The following NDRG1 variants were observed in gnomAD, a reference collection of about 807,000 sequenced individuals.
NDRG1 encodes N-myc downstream regulated 1.
NDRG1 carries 32 observed loss-of-function variants against 56.9 expected under a neutral mutation model. The ratio of observed to expected loss-of-function variants is 0.56; its 90% CI spans 0.42 to 0.76. The LOEUF is 0.76. Ranked by LOEUF, NDRG1 falls within the 30% of genes least tolerant of loss-of-function variation. The probability of loss-of-function intolerance (pLI) is 0.00; values close to 1 mark genes in which losing one functional copy is unlikely to be tolerated. For synonymous variants in NDRG1, 211 were observed against 204.1 expected, an observed-to-expected ratio of 1.03 and a Z score of -0.29; for missense variants, 507 against 545.7, an observed-to-expected ratio of 0.93 and a Z score of 0.71.
intron 15 of NDRG1, 171 bp downstream of exon 15, chr8:133,241,852 C>G (rs1252604810): frequency 2.8e-6 from 2 of 720,492 alleles, no homozygotes; most frequent in African/African-American, 3.5e-5. Flanking sequence ...AAATGAGAGG[C>G]TAGATCCTCC....
rs916338599 is a variant in NDRG1, at chr8:133,254,703, C to G, written c.538-108G>C. ...GCAGGGTGGCATTGCTGGACTCCCC[C>G]CTACATGCAGGCCTCAAGGACATCC... On this transcript the variant is annotated intron_variant, in intron 8 of 15. Coordinates refer to ENST00000323851, the MANE Select transcript of NDRG1 (RefSeq NM_006096.4). The G allele has an allele frequency of 7.7e-5, 84 of 1,097,138 alleles. 1 individual carries two copies. The highest frequency in any genetic ancestry group is 5.9e-4 in the South Asian group (44 of 74,780). 68.0% of individuals were successfully genotyped at this position (1,097,138 alleles called of 1,614,324 possible). A position where few individuals can be genotyped will look rare whatever the true frequency, so the allele number is the denominator to read the frequency against.
At chr8:133,267,557 A>T (rs1487258312) in intron 3 of NDRG1, among the ~76,000 whole-genome samples, 5 of 152,160 alleles carry the variant, frequency 3.3e-5, no homozygotes. Context: ...ATGAGGGAGC[A>T]GTGGCCCAGC....
Position 133,238,860 on chromosome 8 carries a change from G to T in NDRG1, c.*18C>A. ...ACTACAGAGATCAGAGTCCGGGGGC[G>T]GCAGCTGGGCAGGCCGCCTAGCAGG... On this transcript the variant is annotated 3_prime_UTR_variant, in exon 16 of 16. Coordinates refer to ENST00000323851, the MANE Select transcript of NDRG1 (RefSeq NM_006096.4). 6.5e-7 allele frequency: 1 copy of T among 1,547,184 alleles called. No homozygotes were observed. The highest frequency in any genetic ancestry group is 1.2e-5 in the South Asian group (1 of 84,092).
intron 5 of NDRG1, among the ~76,000 whole-genome samples, chr8:133,261,231 G>A (rs374121202): frequency 1.2e-4 from 18 of 152,088 alleles, no homozygotes; most frequent in Admixed American, 2.0e-4. Flanking sequence ...TAAGCCTCCC[G>A]AGTAGCAGGG....
intron 6 of NDRG1, among the ~76,000 whole-genome samples, chr8:133,258,724 T>C (rs1179315649): frequency 4.6e-5 from 7 of 152,216 alleles, no homozygotes; most frequent in African/African-American, 1.2e-4. Flanking sequence ...TTAAGCTTTA[T>C]TTTGGATTCT....
chr8:133,256,728 G>A, intron 8 of NDRG1, 49 bp downstream of exon 8: 1 of 1,567,766 alleles, frequency 6.4e-7, no homozygotes. Flanking sequence ...GTGTGCACCT[G>A]TCCCTCTTCT....
At chr8:133,284,350 A>C (rs534567894) in intron 1 of NDRG1, 21 bp from the exon 2 acceptor site, 4 of 1,612,406 alleles carry the variant, frequency 2.5e-6, no homozygotes, top group East Asian at 4.5e-5. Flanking sequence ...ACAAAGGCCA[A>C]AAGGTCAACA....
chr8:133,248,667 A>G (rs1855833739), intron 11 of NDRG1, 48 bp downstream of exon 11: 1 of 1,608,264 alleles, frequency 6.2e-7, no homozygotes, highest in Non-Finnish European at 8.5e-7. Flanking sequence ...CCACCTTTAT[A>G]GTGGGCAGCC....
intron 1 of NDRG1, among the ~76,000 whole-genome samples, chr8:133,292,550 T>C (rs1015093318): frequency 1.3e-5 from 2 of 151,538 alleles, no homozygotes; most frequent in African/African-American, 4.9e-5. Flanking sequence ...AGGAGGAGAG[T>C]TCCATGATTA....
chr8:133,279,580 C>T (rs1857663142), intron 3 of NDRG1, among the ~76,000 whole-genome samples: 2 of 152,250 alleles, frequency 1.3e-5, no homozygotes, highest in South Asian at 4.1e-4. Context: ...GCCTCTCCTC[C>T]TTCAAGGAGA....
chr8:133,240,954 T>C (rs1029314623), intron 15 of NDRG1: 2 of 152,166 alleles, frequency 1.3e-5, no homozygotes, highest in Non-Finnish European at 2.9e-5. Flanking sequence ...AGCAGATAGC[T>C]TCTGTTGGAA....
rs184598535 is a variant in NDRG1 at position 133,237,647 on chromosome 8, C to G, written c.*1231G>C. ...AGGAAAGTCCCATGGAATATGTATTCCAGAATCCTTACATTTTCTCAGCCA... is the reference window on the plus strand; with the variant it reads ...AGGAAAGTCCCATGGAATATGTATTGCAGAATCCTTACATTTTCTCAGCCA... On this transcript the variant is annotated 3_prime_UTR_variant, in exon 16 of 16. Coordinates refer to ENST00000323851, the MANE Select transcript of NDRG1 (RefSeq NM_006096.4). 1 of 233,198 alleles carries G rather than the reference C, an allele frequency of 4.3e-6. No homozygotes were observed. The highest frequency in any genetic ancestry group is 8.5e-6 in the Non-Finnish European group (1 of 118,012). The allele number at this position is 233,198 out of a possible 1,614,324, so 14.4% of individuals were successfully genotyped here. A position where few individuals can be genotyped will look rare whatever the true frequency, so the allele number is the denominator to read the frequency against.
At chr8:133,256,295 G>A (rs558642902) in intron 8 of NDRG1, 6 of 163,642 alleles carry the variant, frequency 3.7e-5, no homozygotes, top group Non-Finnish European at 6.7e-5. Context: ...CTCAATCTAC[G>A]TTAGCTAATT....
chr8:133,295,673 T>C (rs942531588), intron 1 of NDRG1, among the ~76,000 whole-genome samples: 3 of 152,236 alleles, frequency 2.0e-5, no homozygotes, highest in African/African-American at 7.2e-5. Context: ...AAAATTCGCC[T>C]TGAAACTACA....
rs200046476 is a variant in NDRG1 at position 133,264,643 on chromosome 8, T to C, written c.109A>G (p.Ile37Val). The change falls in exon 4 of 16, where the codon ATC becomes GTC. Residue 37 changes from isoleucine to valine, a missense_variant. Physicochemically the swap from Ile to Val is conservative, Grantham distance 29 (BLOSUM62 3). Transcript: ENST00000323851. ...TGAACAGAGCCATGTAAAGTCTCGA[T>C]GTCCTGCTCCTGAGGAGACACAGCA... ...LQEFDVQEQDIETLHGSVHVT... is the reference protein window; with the variant it reads ...LQEFDVQEQDVETLHGSVHVT... The C allele has an allele frequency of 4.3e-6, 7 of 1,614,084 alleles. No homozygotes were observed. The highest frequency in any genetic ancestry group is 5.1e-6 in the Non-Finnish European group (6 of 1,180,018).
At chr8:133,294,677 G>C (rs75465844) in intron 1 of NDRG1, among the ~76,000 whole-genome samples, 4,201 of 152,136 alleles carry the variant, frequency 0.028, 78 homozygotes, top group African/African-American at 0.04. Context: ...GTCATGGGGG[G>C]GGGGCAGCCC....
chr8:133,238,843 G>T lies in NDRG1; in HGVS notation c.*35C>A. ...CCGGGGAGGAGGGGGCCACTACAGAGATCAGAGTCCGGGGGCGGCAGCTGG... is the reference window on the plus strand; with the variant it reads ...CCGGGGAGGAGGGGGCCACTACAGATATCAGAGTCCGGGGGCGGCAGCTGG... On this transcript the variant is annotated 3_prime_UTR_variant, in exon 16 of 16. Transcript: ENST00000323851. The T allele has an allele frequency of 6.5e-7, 1 of 1,541,766 alleles. No homozygotes were observed. The highest frequency in any genetic ancestry group is 2.4e-5 in the East Asian group (1 of 41,212).
chr8:133,277,492 G>A (rs1857515761), intron 3 of NDRG1, among the ~76,000 whole-genome samples: 3 of 152,068 alleles, frequency 2.0e-5, no homozygotes, highest in African/African-American at 7.2e-5. Context: ...GAACCCAGGA[G>A]GTAAAGAAAG....
intron 3 of NDRG1, among the ~76,000 whole-genome samples, chr8:133,268,771 CCACTCAGTTCCTGGCCCCCCAG>C (rs1413512125): frequency 6.6e-6 from 1 of 152,036 alleles, no homozygotes; most frequent in Admixed American, 6.5e-5. Context: ...CATCGGTCCT[CCACTCAGTTCCTGGCCCCCCAG>C]CACACACAGG....
Sources: gnomAD v4.1 joint callset for allele counts (sites outside exome capture counted in the v4.1 genomes callset) on GRCh38, gnomAD v4.1.1 for gene constraint, MANE v1.5 for transcripts, NCBI Gene and HGNC (gene_info 2026-07-23, HGNC 2026-07-21) for gene names.